Variants in PCMT1 observed in about 807,000 individuals in gnomAD.
PCMT1 encodes protein-L-isoaspartate(D-aspartate) O-methyltransferase.
A neutral mutation model predicts 29.2 loss-of-function variants in PCMT1; 9 were observed. The observed-to-expected ratio is 0.31, with a 90% CI of 0.19 to 0.54. PCMT1 has a LOEUF of 0.54. Among genes scored for constraint, PCMT1 ranks in the 20% least tolerant of loss-of-function variants. The pLI is 0.95. For synonymous variants in PCMT1, 98 were observed against 97.5 expected, an observed-to-expected ratio of 1.00 and a Z score of -0.03; for missense variants, 184 against 282.2, an observed-to-expected ratio of 0.65 and a Z score of 2.49.
intron 3 of PCMT1, 145 bp from the exon 4 acceptor site, chr6:149,789,809 G>T: frequency 2.1e-6 from 1 of 466,096 alleles, no homozygotes; most frequent in Non-Finnish European, 3.8e-6. Flanking sequence ...GTTTACTTAA[G>T]TAATACCTGG....
chr6:149,765,383 A>G (rs897757317), intron 1 of PCMT1, among the ~76,000 whole-genome samples: 22 of 148,512 alleles, frequency 1.5e-4, no homozygotes, highest in Admixed American at 3.3e-4. Context: ...AAAAAAATTA[A>G]AAAATGCTTT....
intron 3 of PCMT1, among the ~76,000 whole-genome samples, chr6:149,788,494 C>T (rs1285769684): frequency 6.6e-6 from 1 of 152,086 alleles, no homozygotes; most frequent in Non-Finnish European, 1.5e-5. Flanking sequence ...CGAATATGGG[C>T]CATTTATTTT....
At chr6:149,750,106 C>A in intron 1 of PCMT1, 150 bp downstream of exon 1, 1 of 1,084,186 alleles carries the variant, frequency 9.2e-7, no homozygotes, top group Non-Finnish European at 1.3e-6. Context: ...GAACGGCGTG[C>A]GCTTGCAGTC....
chr6:149,810,357 A>C (rs969327217), intron 7 of PCMT1, among the ~76,000 whole-genome samples: 1 of 152,244 alleles, frequency 6.6e-6, no homozygotes, highest in Admixed American at 6.5e-5. Context: ...TTGAAGGAAG[A>C]AATCTATTTT....
chr6:149,784,591 A>G (rs1044098848), intron 3 of PCMT1, among the ~76,000 whole-genome samples: 2 of 151,754 alleles, frequency 1.3e-5, no homozygotes, highest in African/African-American at 4.8e-5. Flanking sequence ...CAGCCTCTCG[A>G]GTAGCTGGGA....
chr6:149,749,827 T>A lies in PCMT1; in HGVS notation c.-75T>A. 6.4e-7 allele frequency: 1 copy of A among 1,562,454 alleles called. No homozygotes were observed. Among genetic ancestry groups the A allele is most frequent in the South Asian group, 1.2e-5 (1 of 85,264 alleles). On this transcript the variant is annotated 5_prime_UTR_variant, in exon 1 of 8. Coordinates refer to ENST00000464889, the MANE Select transcript of PCMT1 (RefSeq NM_001360452.2). ...GGCGGTGACGGTGTGGGAGGTGGTC[T>A]CACTCTTGGGAAAACTGCTGGGCAC...
chr6:149,758,968 G>A (rs1786631462), intron 1 of PCMT1, among the ~76,000 whole-genome samples: 1 of 151,828 alleles, frequency 6.6e-6, no homozygotes, highest in South Asian at 2.1e-4. Flanking sequence ...CCTCCACCTT[G>A]TGGGTTCAAG....
rs767679493 is a variant in PCMT1 at position 149,796,510 on chromosome 6, G to C, written c.504+10G>C. On this transcript the variant is annotated intron_variant, in intron 6 of 7. Transcript: ENST00000464889. ...TGTTGTACCCCAGGCGGTGAGTCGG[G>C]ATTTTTTCTGTTTGTGTGTTTTTAT... 19 of 1,600,926 alleles carry C rather than the reference G, an allele frequency of 1.2e-5. No homozygotes were observed. Among genetic ancestry groups the C allele is most frequent in the Non-Finnish European group, 1.6e-5 (19 of 1,171,632 alleles).
chr6:149,754,942 T>A (rs1786454386), intron 1 of PCMT1, among the ~76,000 whole-genome samples: 1 of 152,228 alleles, frequency 6.6e-6, no homozygotes, highest in Non-Finnish European at 1.5e-5. Context: ...TCTATTTTAT[T>A]CATTATTTTT....
chr6:149,795,470 A>G (rs978718117), intron 5 of PCMT1: 1 of 398,536 alleles, frequency 2.5e-6, no homozygotes, highest in African/African-American at 2.1e-5. Context: ...AATAGTGAGT[A>G]ACACTATATT....
chr6:149,749,978 T>G (rs926843294), intron 1 of PCMT1, 22 bp downstream of exon 1: 2 of 1,601,776 alleles, frequency 1.2e-6, no homozygotes, highest in Non-Finnish European at 1.7e-6. Flanking sequence ...CTCCGCCCGT[T>G]GTAGGGCAGC....
chr6:149,773,247 A>G, intron 3 of PCMT1, 78 bp downstream of exon 3: 1 of 1,163,428 alleles, frequency 8.6e-7, no homozygotes. Flanking sequence ...AAAAAGATTT[A>G]AAGAAAGTTG....
chr6:149,755,322 G>A (rs1786465600), intron 1 of PCMT1, among the ~76,000 whole-genome samples: 1 of 152,114 alleles, frequency 6.6e-6, no homozygotes, highest in Admixed American at 6.6e-5. Flanking sequence ...AGCTACGTGG[G>A]AGGCTGAGAT....
intron 7 of PCMT1, 57 bp downstream of exon 7, chr6:149,802,473 C>T: frequency 1.4e-6 from 2 of 1,383,644 alleles, no homozygotes; most frequent in Non-Finnish European, 1.9e-6. Context: ...TGGTTGTCAC[C>T]TTTATGCTCC....
At chr6:149,774,821 C>T (rs1165681760) in intron 3 of PCMT1, among the ~76,000 whole-genome samples, 2 of 151,780 alleles carry the variant, frequency 1.3e-5, no homozygotes, top group Non-Finnish European at 2.9e-5. Flanking sequence ...ATTCTCCTGC[C>T]TCAGCCTCCT....
chr6:149,809,234 A>AG (rs1218804966), intron 7 of PCMT1, among the ~76,000 whole-genome samples: 5 of 126,048 alleles, frequency 4.0e-5, no homozygotes, highest in African/African-American at 1.5e-4. Context: ...ACTCCAGCCT[A>AG]GGTGACAGAG....
Position 149,758,208 on chromosome 6 carries a change from C to CTTTCTTTTTTTT in PCMT1, c.55+8255_55+8256insCTTTTTTTTTTT, listed in dbSNP as rs1554251094. ...CAATTTTTTTTTTCTTTCTTTCTTT[C>CTTTCTTTTTTTT]TTTTTTTTTTTTTTTTTTCTGAGAC... is the stretch of plus-strand genomic sequence containing the variant. On this transcript the variant is annotated intron_variant, in intron 1 of 7. Coordinates refer to ENST00000464889, the MANE Select transcript of PCMT1 (RefSeq NM_001360452.2). Among the ~76,000 whole-genome samples, 129 of 73,888 alleles carry CTTTCTTTTTTTT rather than the reference C, an allele frequency of 1.7e-3. 9 individuals are homozygous for CTTTCTTTTTTTT. The highest frequency in any genetic ancestry group is 6.3e-3 in the African/African-American group (119 of 18,886). 48.5% of individuals were successfully genotyped at this position (73,888 alleles called of 152,430 possible). A position where few individuals can be genotyped will look rare whatever the true frequency, so the allele number is the denominator to read the frequency against.
chr6:149,784,000 T>A (rs760408081), intron 3 of PCMT1, among the ~76,000 whole-genome samples: 1 of 152,210 alleles, frequency 6.6e-6, no homozygotes, highest in African/African-American at 2.4e-5. Flanking sequence ...TTGCCAGGAC[T>A]CCTTAAATGA....
At chr6:149,782,289 C>T (rs1250886436) in intron 3 of PCMT1, among the ~76,000 whole-genome samples, 1 of 151,938 alleles carries the variant, frequency 6.6e-6, no homozygotes, top group Non-Finnish European at 1.5e-5. Context: ...TCATTTATTG[C>T]ATAAATCTTA....
Sources: allele counts gnomAD v4.1 joint callset (sites outside exome capture counted in the v4.1 genomes callset), GRCh38; gene constraint gnomAD v4.1.1; transcripts MANE v1.5; gene names NCBI Gene and HGNC (gene_info 2026-07-23, HGNC 2026-07-21).